Variants in BUD13 observed in about 807,000 individuals in gnomAD.
The protein encoded by BUD13 is BUD13 spliceosome associated protein.
A neutral mutation model predicts 62.5 loss-of-function variants in BUD13; 47 were observed. That is an observed-to-expected ratio of 0.75 (90% CI 0.60 to 0.96). The LOEUF (loss-of-function observed/expected upper bound fraction) is 0.96. BUD13 is among the 40% of genes least tolerant of loss of function. The probability of loss-of-function intolerance (pLI) is 0.00; values close to 1 mark genes in which losing one functional copy is unlikely to be tolerated. For synonymous variants in BUD13, 293 were observed against 280.1 expected (o/e 1.05, Z -0.46); for missense variants, 821 against 790.9 (o/e 1.04, Z -0.46).
At chr11:116,768,525 C>T (rs1940569673) in intron 2 of BUD13, among the ~76,000 whole-genome samples, 1 of 152,084 alleles carries the variant, frequency 6.6e-6, no homozygotes, top group South Asian at 2.1e-4. Context: ...CTTTTAAAAA[C>T]TTTAAACTTT....
intron 9 of BUD13, among the ~76,000 whole-genome samples, chr11:116,756,215 C>T (rs1940321374): frequency 2.0e-5 from 3 of 151,438 alleles, no homozygotes; most frequent in Admixed American, 2.0e-4. Context: ...AGTGGTTGGG[C>T]ATGGTGGCTC....
rs1417422802 is a variant in BUD13, at chr11:116,757,893, T to C, written c.1557A>G (p.Gln519=). The C allele has an allele frequency of 1.9e-6, 3 of 1,614,174 alleles. No individual in the cohort carries two copies. Among genetic ancestry groups the C allele is most frequent in the South Asian group, 2.2e-5 (2 of 91,088 alleles). ...CATCAATATAGCGGGCCAGAGGCTT[T>C]TGCATCTCTTTCATTGCATCCTCCA... ...QNVEDAMKEM[Q]KPLARYIDDE... The change falls in exon 8 of 10, where the codon CAA becomes CAG. Residue 519 remains glutamine (Q), a synonymous_variant. Coordinates refer to ENST00000260210, the MANE Select transcript of BUD13 (RefSeq NM_032725.4).
At chr11:116,765,287 A>G (rs1438927280) in intron 3 of BUD13, 75 bp downstream of exon 3, 3 of 1,476,906 alleles carry the variant, frequency 2.0e-6, no homozygotes, top group South Asian at 1.2e-5. Context: ...GCATTCCTCT[A>G]AAGAAAAGTA....
intron 1 of BUD13, among the ~76,000 whole-genome samples, chr11:116,771,684 C>T (rs17120003): frequency 0.014 from 2,117 of 152,066 alleles, 27 homozygotes; most frequent in African/African-American, 0.043. Context: ...ATGGCACTGC[C>T]TCCAAAGGAT....
At chr11:116,761,407 T>C (rs967368243) in intron 4 of BUD13, among the ~76,000 whole-genome samples, 10 of 145,884 alleles carry the variant, frequency 6.9e-5, no homozygotes, top group African/African-American at 2.5e-4. Context: ...CAAGCTAATG[T>C]ACAATATTTA....
rs1332289209 is a variant in BUD13 at position 116,763,087 on chromosome 11, C to T, written c.502G>A (p.Ala168Thr). ...DTPDPSPLRG[A>T]RHDSDTSPPR... ...GGAGATGTGTCTGAGTCATGACGAGCCCCTCTGAGGGGAGAAGGATCCGGG... is the reference window on the plus strand; with the variant it reads ...GGAGATGTGTCTGAGTCATGACGAGTCCCTCTGAGGGGAGAAGGATCCGGG... Residue 168 changes from alanine to threonine, a missense_variant, in exon 4 of 10, where the codon GCT (alanine) becomes ACT (threonine). Coordinates refer to ENST00000260210, the MANE Select transcript of BUD13 (RefSeq NM_032725.4). 6.3e-7 allele frequency: 1 copy of T among 1,579,684 alleles called. No individual in the cohort carries two copies. The highest frequency in any genetic ancestry group is 8.6e-7 in the Non-Finnish European group (1 of 1,157,158).
intron 2 of BUD13, among the ~76,000 whole-genome samples, chr11:116,768,120 A>C (rs1211546066): frequency 6.6e-6 from 1 of 152,096 alleles, no homozygotes; most frequent in Non-Finnish European, 1.5e-5. Flanking sequence ...GAATATAACT[A>C]AAGCGAACCA....
intron 2 of BUD13, among the ~76,000 whole-genome samples, chr11:116,766,181 C>A (rs1158670693): frequency 6.6e-6 from 1 of 152,280 alleles, no homozygotes; most frequent in South Asian, 2.1e-4. Context: ...TGATGTAAGT[C>A]CACATGACAA....
In BUD13 at chr11:116,762,837, G is replaced by C. The variant is rs754694427; in HGVS notation, c.752C>G (p.Thr251Arg). The C allele has an allele frequency of 1.2e-6, 2 of 1,614,092 alleles. No homozygotes were observed. The highest frequency in any genetic ancestry group is 1.7e-6 in the Non-Finnish European group (2 of 1,180,002). Residue 251 changes from threonine to arginine, a missense_variant, in exon 4 of 10, where the codon ACA becomes AGA. By Grantham distance (71) the Thr-to-Arg change is moderately conservative (BLOSUM62 -1). Around this residue, in one of 2 missense-constraint regions of BUD13, gnomAD observed 800 missense variants for 739.2 expected, o/e 1.08. Transcript: ENST00000260210. ...PRRVHNNSPDTSRRTLGSSDT... is the reference protein window; with the variant it reads ...PRRVHNNSPDRSRRTLGSSDT... ...TGAAGAGCCAAGAGTCCTCCTAGAT[G>C]TGTCAGGGGAGTTGTTATGGACCCT... is the stretch of plus-strand genomic sequence containing the variant.
intron 4 of BUD13, among the ~76,000 whole-genome samples, chr11:116,762,247 C>T (rs1343194677): frequency 6.6e-6 from 1 of 152,192 alleles, no homozygotes; most frequent in African/African-American, 2.4e-5. Context: ...GGCCACAACA[C>T]TAACAATAAT....
chr11:116,759,852 C>T (rs892807351), intron 5 of BUD13, among the ~76,000 whole-genome samples: 9 of 152,176 alleles, frequency 5.9e-5, no homozygotes, highest in African/African-American at 1.9e-4. Context: ...GTCTACCCTG[C>T]CAGGACCAGT....
At chr11:116,764,679 T>C (rs749720128) in intron 3 of BUD13, among the ~76,000 whole-genome samples, 2 of 152,172 alleles carry the variant, frequency 1.3e-5, no homozygotes, top group Non-Finnish European at 2.9e-5. Flanking sequence ...CTACTAGCAA[T>C]TAAACAATTC....
chr11:116,772,419 G>A (rs1940646021), intron 1 of BUD13, among the ~76,000 whole-genome samples: 1 of 152,202 alleles, frequency 6.6e-6, no homozygotes, highest in Non-Finnish European at 1.5e-5. Context: ...AAAGGTCTCT[G>A]ATTCAGAACC....
chr11:116,756,611 G>C (rs1463155484), intron 9 of BUD13, among the ~76,000 whole-genome samples: 1 of 152,154 alleles, frequency 6.6e-6, no homozygotes, highest in African/African-American at 2.4e-5. Flanking sequence ...GAGGAGATGG[G>C]ATCTAATATG....
At position 116,757,219 on chromosome 11, in the gene BUD13, G is replaced by C; in HGVS notation, c.1693C>G (p.Arg565Gly). The change falls in exon 9 of 10, where the codon CGC becomes GGC. Residue 565 changes from arginine to glycine, a missense_variant. Around this residue, in one of 2 missense-constraint regions of BUD13, gnomAD observed 800 missense variants for 739.2 expected, o/e 1.08. Coordinates refer to ENST00000260210, the MANE Select transcript of BUD13 (RefSeq NM_032725.4). Reference sequence around the variant, plus strand: ...GGAGGAGGTGCTGGACCACTGTAGCGAGGTCTCACTAATGAGAGGAGTAAG... The same window carrying C: ...GGAGGAGGTGCTGGACCACTGTAGCCAGGTCTCACTAATGAGAGGAGTAAG... ...KENKNKKVRPRYSGPAPPPNR... is the reference protein window; with the variant it reads ...KENKNKKVRPGYSGPAPPPNR... The C allele has an allele frequency of 6.2e-7, 1 of 1,613,908 alleles. No homozygotes were observed.
In BUD13 at chr11:116,748,655, T is replaced by C. The variant is rs1591293564; in HGVS notation, c.1767-80A>G. ...TCAAAAGAAAGGGAAGAGTTCACAA[T>C]ATAATGAAAAGGGGGGAAAGTAAGG... On this transcript the variant is annotated intron_variant, in intron 9 of 9. Coordinates refer to ENST00000260210, the MANE Select transcript of BUD13 (RefSeq NM_032725.4). 81 of 1,376,702 alleles carry C rather than the reference T, an allele frequency of 5.9e-5. No individual in the cohort carries two copies. The East Asian group carries it at 1.8e-3, about 31-fold the overall frequency. 85.3% of individuals were successfully genotyped at this position (1,376,702 alleles called of 1,614,324 possible).
At position 116,760,883 on chromosome 11, in the gene BUD13, T is replaced by C. The variant is rs184331046; in HGVS notation, c.1106A>G (p.Asp369Gly). The C allele has an allele frequency of 1.9e-6, 3 of 1,614,118 alleles. No homozygotes were observed. The highest frequency in any genetic ancestry group is 2.5e-6 in the Non-Finnish European group (3 of 1,180,012). Residue 369 changes from aspartate to glycine, a missense_variant, in exon 5 of 10, where the codon GAT becomes GGT. Asp to Gly is a moderately conservative substitution (Grantham distance 94). This residue lies in a region of BUD13 where 800 missense variants were observed against 739.2 expected (regional missense o/e 1.08). Transcript: ENST00000260210. ...PRHKQSPGHQDSDSDLSPPRN... is the reference protein window; with the variant it reads ...PRHKQSPGHQGSDSDLSPPRN... ...TGGAGGTGACAGATCTGAATCAGAA[T>C]CCTGGTGCCCTGGACTTTGTTTATG...
At chr11:116,751,918 T>C (rs528736303) in intron 9 of BUD13, among the ~76,000 whole-genome samples, 3 of 152,298 alleles carry the variant, frequency 2.0e-5, no homozygotes, top group East Asian at 3.9e-4. Context: ...TGCATGACTC[T>C]AGGCAAACTG....
rs1245875962 is a variant in BUD13, at chr11:116,763,067, T to C, written c.522A>G (p.Thr174=). ...PLRGARHDSD[T]SPPRRIRHDS... ...CATGACGGATCCTCCTGGGAGGAGA[T>C]GTGTCTGAGTCATGACGAGCCCCTC... Residue 174 remains threonine, a synonymous_variant, in exon 4 of 10, where the codon ACA becomes ACG. Coordinates refer to ENST00000260210, the MANE Select transcript of BUD13 (RefSeq NM_032725.4). 3 of 1,612,214 alleles carry C rather than the reference T, an allele frequency of 1.9e-6. No individual in the cohort carries two copies. The highest frequency in any genetic ancestry group is 2.5e-6 in the Non-Finnish European group (3 of 1,179,312).
Sources: gnomAD v4.1 joint callset for allele counts (sites outside exome capture counted in the v4.1 genomes callset) on GRCh38, gnomAD v4.1.1 for gene constraint, gnomAD v4.1.1 regional missense constraint, MANE v1.5 for transcripts, NCBI Gene and HGNC (gene_info 2026-07-23, HGNC 2026-07-21) for gene names.